RFX3: variants seen among roughly 807,000 people sequenced by gnomAD.
RFX3 encodes regulatory factor X3.
Under a neutral mutation model 98.6 loss-of-function variants are expected in RFX3, and 14 were observed. The ratio of observed to expected loss-of-function variants is 0.14; its 90% confidence interval spans 0.09 to 0.22. RFX3 has a LOEUF of 0.22. Among genes scored for constraint, RFX3 ranks in the 10% least tolerant of loss-of-function variants. RFX3 has a pLI of 1.00. For synonymous variants in RFX3, 383 were observed against 328.4 expected (o/e 1.17, Z -1.80); for missense variants, 639 against 926.9 (o/e 0.69, Z 4.03).
chr9:3,282,234 G>T (rs1826004783), intron 7 of RFX3, among the ~76,000 whole-genome samples: 1 of 151,726 alleles, frequency 6.6e-6, no homozygotes, highest in Non-Finnish European at 1.5e-5. Flanking sequence ...TAGTAAATAT[G>T]AAGAGTTCCA....
At chr9:3,400,436 A>G (rs1039993874) in intron 1 of RFX3, among the ~76,000 whole-genome samples, 1 of 152,212 alleles carries the variant, frequency 6.6e-6, no homozygotes, top group Admixed American at 6.5e-5. Flanking sequence ...GTCCTGCACA[A>G]CCAAGTATCC....
At chr9:3,316,327 C>G (rs1266311088) in intron 4 of RFX3, among the ~76,000 whole-genome samples, 1 of 151,976 alleles carries the variant, frequency 6.6e-6, no homozygotes, top group Non-Finnish European at 1.5e-5. Context: ...ATTCAATGGC[C>G]CTTCATGCTA....
chr9:3,442,930 G>C (rs998584420), intron 1 of RFX3, among the ~76,000 whole-genome samples: 1 of 152,046 alleles, frequency 6.6e-6, no homozygotes, highest in African/African-American at 2.4e-5. Context: ...GAAAGACACT[G>C]TACAGGAATG....
intron 1 of RFX3, among the ~76,000 whole-genome samples, chr9:3,418,967 A>T (rs1313947140): frequency 6.6e-6 from 1 of 152,226 alleles, no homozygotes; most frequent in Non-Finnish European, 1.5e-5. Context: ...TTACGTATTA[A>T]TGTTGTCCTG....
At chr9:3,303,753 C>A (rs1419873178) in intron 4 of RFX3, among the ~76,000 whole-genome samples, 3 of 151,772 alleles carry the variant, frequency 2.0e-5, no homozygotes, top group Admixed American at 2.0e-4. Flanking sequence ...TAGGAAATGG[C>A]CTTCTCATTT....
chr9:3,435,802 T>TA (rs34925429), intron 1 of RFX3, among the ~76,000 whole-genome samples: 11,108 of 97,398 alleles, frequency 0.11, 672 homozygotes, highest in East Asian at 0.25. Flanking sequence ...ATCTGCATTG[T>TA]AAAAAAAAAA....
At chr9:3,415,171 T>TTATATATATATACACATACTCATA (rs1842879056) in intron 1 of RFX3, among the ~76,000 whole-genome samples, 3 of 136,806 alleles carry the variant, frequency 2.2e-5, no homozygotes, top group Non-Finnish European at 4.6e-5. Context: ...ATATATATAC[T>TTATATATATATACACATACTCATA]TATATATATA....
chr9:3,399,343 C>T (rs1242876643), intron 1 of RFX3, among the ~76,000 whole-genome samples: 1 of 151,190 alleles, frequency 6.6e-6, no homozygotes, highest in East Asian at 1.9e-4. Flanking sequence ...ACTATGGAGG[C>T]TGAGACAGGA....
intron 4 of RFX3, among the ~76,000 whole-genome samples, chr9:3,312,839 G>A (rs548537060): frequency 1.3e-5 from 2 of 152,358 alleles, no homozygotes; most frequent in East Asian, 1.9e-4. Flanking sequence ...CATTGCTTAG[G>A]TTTGAGTAGG....
intron 1 of RFX3, among the ~76,000 whole-genome samples, chr9:3,480,790 T>C (rs1849687292): frequency 6.6e-6 from 1 of 151,854 alleles, no homozygotes; most frequent in Admixed American, 6.6e-5. Flanking sequence ...ACAGGAAAAA[T>C]TATACATGCC....
At chr9:3,440,827 T>C (rs918216775) in intron 1 of RFX3, among the ~76,000 whole-genome samples, 3 of 152,184 alleles carry the variant, frequency 2.0e-5, no homozygotes, top group African/African-American at 7.2e-5. Context: ...CTACCTGATT[T>C]GAAGACTTAC....
chr9:3,257,237 T>A (rs1822253099), intron 13 of RFX3, 38 bp from the exon 14 acceptor site: 2 of 1,576,226 alleles, frequency 1.3e-6, no homozygotes, highest in Admixed American at 1.7e-5. Context: ...AAAAGTTCAA[T>A]TCAGCATCCT....
intron 1 of RFX3, among the ~76,000 whole-genome samples, chr9:3,512,017 C>T (rs1458788754): frequency 1.3e-5 from 2 of 152,044 alleles, no homozygotes; most frequent in East Asian, 1.9e-4. Flanking sequence ...TTTACTCTTA[C>T]GTGACTACTA....
At chr9:3,396,804 T>C (rs1268977419) in intron 1 of RFX3, among the ~76,000 whole-genome samples, 1 of 152,226 alleles carries the variant, frequency 6.6e-6, no homozygotes, top group African/African-American at 2.4e-5. Context: ...ATGATGAGCA[T>C]TTTTTCATGT....
At chr9:3,320,792 TATATATATA>T (rs1361199449) in intron 4 of RFX3, among the ~76,000 whole-genome samples, 2 of 138,790 alleles carry the variant, frequency 1.4e-5, no homozygotes, top group Admixed American at 1.4e-4. Context: ...TATATATATA[TATATATATA>T]TATATATATA....
intron 2 of RFX3, among the ~76,000 whole-genome samples, chr9:3,394,105 A>G (rs1840603713): frequency 2.6e-5 from 4 of 152,166 alleles, no homozygotes; most frequent in Non-Finnish European, 4.4e-5. Flanking sequence ...AGCTTGAGGG[A>G]TGGGAAAGTT....
chr9:3,302,973 T>C (rs1026772084), intron 4 of RFX3, among the ~76,000 whole-genome samples: 1 of 151,754 alleles, frequency 6.6e-6, no homozygotes, highest in African/African-American at 2.4e-5. Context: ...TAAGAAATCA[T>C]AAAAAAATTC....
At chr9:3,267,235 T>C (rs1823769526) in intron 11 of RFX3, among the ~76,000 whole-genome samples, 1 of 151,982 alleles carries the variant, frequency 6.6e-6, no homozygotes, top group South Asian at 2.1e-4. Context: ...AGACATTTAG[T>C]AGACAAGTGC....
intron 1 of RFX3, among the ~76,000 whole-genome samples, chr9:3,453,911 G>T (rs1290367241): frequency 6.6e-6 from 1 of 151,784 alleles, no homozygotes; most frequent in Non-Finnish European, 1.5e-5. Flanking sequence ...TTTTGCTTTA[G>T]TTCACTGTAA....
Sources: gnomAD v4.1 joint callset for allele counts (sites outside exome capture counted in the v4.1 genomes callset) on GRCh38, gnomAD v4.1.1 for gene constraint, MANE v1.5 for transcripts, NCBI Gene and HGNC (gene_info 2026-07-23, HGNC 2026-07-21) for gene names.